NSG2: variants seen among roughly 807,000 people sequenced by gnomAD.
The protein encoded by NSG2 is neuronal vesicle trafficking associated 2.
Under a neutral mutation model 16.9 loss-of-function variants are expected in NSG2, and 4 were observed. The observed-to-expected ratio is 0.24, with a 90% CI of 0.12 to 0.54. NSG2 has a LOEUF of 0.54. Ranked by LOEUF, NSG2 falls within the 20% of genes least tolerant of loss-of-function variation. NSG2 has a pLI of 0.95. For missense variants in NSG2, 179 were observed against 221.1 expected (o/e 0.81, Z 1.21); for synonymous variants, 98 against 88.7 (o/e 1.11, Z -0.59).
chr5:174,087,118 T>C (rs1226784987), intron 3 of NSG2, among the ~76,000 whole-genome samples: 1 of 152,210 alleles, frequency 6.6e-6, no homozygotes, highest in African/African-American at 2.4e-5. Context: ...TCCTTTTACT[T>C]TCAAAAGGCA....
chr5:174,090,263 C>T lies in NSG2; in HGVS notation c.214-13965C>T, dbSNP rs533680738. On this transcript the variant is annotated intron_variant, in intron 3 of 4. Coordinates refer to ENST00000303177, the MANE Select transcript of NSG2 (RefSeq NM_015980.5). ...AGAAAAAAAGAGCATGAGGCAACGT[C>T]GAGGGGAAACCAGGCACAACCTTCC... 2.8e-3 allele frequency among the ~76,000 whole-genome samples: 420 copies of T among 152,294 alleles called. 4 individuals carry two copies. The highest frequency in any genetic ancestry group is 9.6e-3 in the African/African-American group (401 of 41,568).
At chr5:174,066,211 C>T in intron 3 of NSG2, 2 of 456,210 alleles carry the variant, frequency 4.4e-6, no homozygotes, top group Non-Finnish European at 4.4e-6. Context: ...CAGTGTCTGC[C>T]ACACAGCACA....
At chr5:174,096,249 C>T (rs1760792492) in intron 3 of NSG2, among the ~76,000 whole-genome samples, 1 of 152,174 alleles carries the variant, frequency 6.6e-6, no homozygotes, top group African/African-American at 2.4e-5. Flanking sequence ...ATTAAAGTGC[C>T]CTAGGAGAAG....
At chr5:174,059,333 C>G (rs942062644) in intron 2 of NSG2, among the ~76,000 whole-genome samples, 3 of 152,112 alleles carry the variant, frequency 2.0e-5, no homozygotes, top group Non-Finnish European at 4.4e-5. Flanking sequence ...TATCCATTCT[C>G]CTATTAGTGT....
chr5:174,099,966 C>T (rs1760873535), intron 3 of NSG2, among the ~76,000 whole-genome samples: 1 of 152,200 alleles, frequency 6.6e-6, no homozygotes, highest in South Asian at 2.1e-4. Flanking sequence ...AGAGCCTGTG[C>T]CTGATTCACC....
At chr5:174,068,278 A>G (rs1261713279) in intron 3 of NSG2, among the ~76,000 whole-genome samples, 3 of 152,182 alleles carry the variant, frequency 2.0e-5, no homozygotes, top group Non-Finnish European at 4.4e-5. Context: ...GGGAGAGATG[A>G]ATAGAGAAAG....
intron 3 of NSG2, 96 bp from the exon 4 acceptor site, chr5:174,104,132 A>C (rs1760941694): frequency 2.4e-6 from 2 of 837,130 alleles, no homozygotes; most frequent in African/African-American, 1.7e-5. Context: ...TTTCTAGCAC[A>C]CCATGCTGCC....
chr5:174,098,563 G>A (rs1198263792), intron 3 of NSG2, among the ~76,000 whole-genome samples: 3 of 152,152 alleles, frequency 2.0e-5, no homozygotes, highest in Non-Finnish European at 2.9e-5. Flanking sequence ...GGGTTGCCTG[G>A]AGCCCAGTCC....
chr5:174,049,871 A>T (rs1474829218), intron 2 of NSG2, among the ~76,000 whole-genome samples: 2 of 152,240 alleles, frequency 1.3e-5, no homozygotes, highest in East Asian at 1.9e-4. Flanking sequence ...AGATGTGTTC[A>T]AAGTAAATTT....
At chr5:174,051,382 C>G (rs1759886619) in intron 2 of NSG2, among the ~76,000 whole-genome samples, 1 of 152,152 alleles carries the variant, frequency 6.6e-6, no homozygotes, top group Non-Finnish European at 1.5e-5. Flanking sequence ...TTCCTTCTGC[C>G]CAGAATGCCC....
At chr5:174,066,984 T>C (rs112152103) in intron 3 of NSG2, among the ~76,000 whole-genome samples, 27,515 of 108,384 alleles carry the variant, frequency 0.25, 5,820 homozygotes, top group African/African-American at 0.62. Flanking sequence ...AGCGAGACTC[T>C]GTCTCAAAAA....
chr5:174,079,127 C>G (rs763691142), intron 3 of NSG2, among the ~76,000 whole-genome samples: 22 of 152,174 alleles, frequency 1.4e-4, no homozygotes, highest in Non-Finnish European at 2.1e-4. Context: ...CCAACAGTGC[C>G]TAAGCGTGAG....
At chr5:174,085,348 G>A (rs1054669126) in intron 3 of NSG2, among the ~76,000 whole-genome samples, 1 of 151,962 alleles carries the variant, frequency 6.6e-6, no homozygotes, top group African/African-American at 2.4e-5. Flanking sequence ...AAATTGTGGA[G>A]CAGAGATTAA....
intron 3 of NSG2, among the ~76,000 whole-genome samples, chr5:174,097,761 C>CTG (rs889613952): frequency 1.4e-5 from 2 of 144,922 alleles, no homozygotes; most frequent in Admixed American, 1.4e-4. Flanking sequence ...GTCTGTGTCT[C>CTG]TGTGTGTGTA....
chr5:174,088,892 A>G (rs974808196), intron 3 of NSG2, among the ~76,000 whole-genome samples: 1 of 152,214 alleles, frequency 6.6e-6, no homozygotes, highest in African/African-American at 2.4e-5. Context: ...TTTTCTCTTT[A>G]TCAGGACAGA....
intron 3 of NSG2, among the ~76,000 whole-genome samples, chr5:174,097,581 CTGTGTGTG>C (rs75455233): frequency 9.9e-5 from 14 of 141,384 alleles, no homozygotes; most frequent in Non-Finnish European, 1.6e-4. Flanking sequence ...GTGTGTGTGT[CTGTGTGTG>C]TGTAACTGTG....
At position 174,066,989 on chromosome 5, in the gene NSG2, CAAAAAAAAAAAAAA is replaced by C. The variant is rs543368373; in HGVS notation, c.213+2688_213+2701del. ...TGGGCGACAGAGCGAGACTCTGTCT[CAAAAAAAAAAAAAA>C]AAAAAAAAAAAAAGAAATGATGGCT... On this transcript the variant is annotated intron_variant, in intron 3 of 4. Transcript: ENST00000303177. Among the ~76,000 whole-genome samples, 5 of 27,942 alleles carry C rather than the reference CAAAAAAAAAAAAAA, an allele frequency of 1.8e-4. No homozygotes were observed. In the South Asian group the frequency reaches 4.5e-3, roughly 25 times the overall value. The allele number at this position is 27,942 out of a possible 152,430, so 18.3% of individuals were successfully genotyped here.
At chr5:174,048,957 GT>G (rs890798342) in intron 2 of NSG2, among the ~76,000 whole-genome samples, 1 of 152,084 alleles carries the variant, frequency 6.6e-6, no homozygotes, top group Non-Finnish European at 1.5e-5. Context: ...TCAGTTTCCT[GT>G]TTTTTTGATA....
intron 4 of NSG2, among the ~76,000 whole-genome samples, chr5:174,106,173 T>C (rs1160750040): frequency 6.6e-6 from 1 of 152,174 alleles, no homozygotes; most frequent in Non-Finnish European, 1.5e-5. Context: ...TAAAAATTAA[T>C]AAAAATGGTT....
Sources: gnomAD v4.1 joint callset for allele counts (sites outside exome capture counted in the v4.1 genomes callset) on GRCh38, gnomAD v4.1.1 for gene constraint, MANE v1.5 for transcripts, NCBI Gene and HGNC (gene_info 2026-07-23, HGNC 2026-07-21) for gene names.